ROBO2: variants seen among roughly 807,000 people sequenced by gnomAD.
ROBO2 encodes roundabout guidance receptor 2.
ROBO2 carries 53 observed loss-of-function variants against 160.8 expected under a neutral mutation model. The ratio of observed to expected loss-of-function variants is 0.33; its 90% CI spans 0.26 to 0.41. The LOEUF is 0.41. Among genes scored for constraint, ROBO2 ranks in the 10% least tolerant of loss-of-function variants. The probability of loss-of-function intolerance (pLI) is 1.00; values close to 1 mark genes in which losing one functional copy is unlikely to be tolerated. For missense variants in ROBO2, 1,577 were observed against 1,722.4 expected, an observed-to-expected ratio of 0.92 and a Z score of 1.49; for synonymous variants, 664 against 611.7, an observed-to-expected ratio of 1.09 and a Z score of -1.26.
chr3:77,429,838 C>G (rs2078595782), intron 2 of ROBO2, among the ~76,000 whole-genome samples: 2 of 151,966 alleles, frequency 1.3e-5, no homozygotes, highest in African/African-American at 2.4e-5. Context: ...TGAAATGGCC[C>G]CACACAAATC....
chr3:77,617,748 C>A (rs1223757453), exon 22 of ROBO2: 1 of 1,613,632 alleles, frequency 6.2e-7, no homozygotes, highest in East Asian at 2.2e-5. Flanking sequence ...AAGAGCCTAT[C>A]AGTTTGATAT....
rs60481031 is a variant in ROBO2, at chr3:75,928,980, CGTGT to C, written c.-13-8483_-13-8480del. Reference sequence around the variant, plus strand: ...GAGATGTGCAGCTGGATAAGACGTACGTGTGTGTGTGTGTGTGTGTGATAGCTCA... The same window carrying C: ...GAGATGTGCAGCTGGATAAGACGTACGTGTGTGTGTGTGTGTGATAGCTCA... On this transcript the variant is annotated intron_variant, in intron 1 of 26. Transcript: ENST00000487694. Among the ~76,000 whole-genome samples the C allele has an allele frequency of 2.5e-3, 233 of 94,110 alleles. 6 individuals are homozygous for C. The highest frequency in any genetic ancestry group is 6.8e-3 in the Middle Eastern group (1 of 146). 61.7% of individuals were successfully genotyped at this position (94,110 alleles called of 152,430 possible).
At chr3:77,619,703 G>A (rs542162713) in intron 22 of ROBO2, among the ~76,000 whole-genome samples, 41 of 152,090 alleles carry the variant, frequency 2.7e-4, no homozygotes, top group African/African-American at 8.4e-4. Flanking sequence ...GCAACTCCAA[G>A]CCCCCCCATA....
Position 76,472,991 on chromosome 3 carries a change from G to A in ROBO2, c.109+535389G>A, listed in dbSNP as rs151026292. 6.6e-5 allele frequency among the ~76,000 whole-genome samples: 10 copies of A among 151,832 alleles called. No individual in the cohort carries two copies. The South Asian group carries it at 1.0e-3, about 16-fold the overall frequency. ...CGAGAAGACTATCAGTGGTGTTTACGCATCCAAAAATGCAATTTTTTTATG... is the reference window on the plus strand; with the variant it reads ...CGAGAAGACTATCAGTGGTGTTTACACATCCAAAAATGCAATTTTTTTATG... On this transcript the variant is annotated intron_variant, in intron 2 of 26. Transcript: ENST00000487694.
intron 21 of ROBO2, among the ~76,000 whole-genome samples, chr3:77,611,067 G>A (rs917470850): frequency 3.9e-5 from 6 of 152,016 alleles, no homozygotes; most frequent in Admixed American, 1.3e-4. Flanking sequence ...GGGAGGCCAA[G>A]GTGGGCGGAT....
At chr3:77,198,883 A>C (rs987071287) in intron 2 of ROBO2, among the ~76,000 whole-genome samples, 1 of 152,088 alleles carries the variant, frequency 6.6e-6, no homozygotes, top group Non-Finnish European at 1.5e-5. Flanking sequence ...AGCCTGGGCA[A>C]CAGGGCGAGA....
intron 2 of ROBO2, among the ~76,000 whole-genome samples, chr3:77,300,847 T>C (rs1382627507): frequency 3.5e-5 from 1 of 28,536 alleles, no homozygotes; most frequent in Non-Finnish European, 8.5e-5. Context: ...AATAATAGAC[T>C]ATTTATTTAT....
intron 1 of ROBO2, among the ~76,000 whole-genome samples, chr3:77,087,874 A>G (rs978443659): frequency 4.6e-5 from 7 of 152,028 alleles, no homozygotes; most frequent in Non-Finnish European, 1.0e-4. Context: ...AAAGACACAC[A>G]CACATACATA....
rs977166352 is a variant in ROBO2 at position 76,434,170 on chromosome 3, A to G, written c.109+496568A>G. The G allele has an allele frequency of 7.0e-5, 81 of 1,156,108 alleles. No individual in the cohort carries two copies. In the African/African-American group the frequency reaches 1.2e-3, roughly 17 times the overall value. The allele number at this position is 1,156,108 out of a possible 1,614,324, so 71.6% of individuals were successfully genotyped here. On this transcript the variant is annotated intron_variant, in intron 2 of 26. Transcript: ENST00000487694. ...CTGCTTGCTGGTCCTGTGGCAGAGT[A>G]TTTGAAGATCAGTAAAGAGACTGGG...
chr3:76,258,787 A>G (rs902910184), intron 2 of ROBO2, among the ~76,000 whole-genome samples: 1 of 152,068 alleles, frequency 6.6e-6, no homozygotes, highest in African/African-American at 2.4e-5. Context: ...ATTTTTCTAA[A>G]CAGCTCTACC....
intron 2 of ROBO2, among the ~76,000 whole-genome samples, chr3:76,043,620 CAAAAAAAA>C (rs56988287): frequency 2.9e-4 from 11 of 38,436 alleles, no homozygotes; most frequent in African/African-American, 1.0e-3. Context: ...CTTCATCGTC[CAAAAAAAA>C]AAAAAAAAAA....
chr3:75,922,098 C>T (rs548097765), intron 1 of ROBO2, among the ~76,000 whole-genome samples: 89 of 152,170 alleles, frequency 5.8e-4, no homozygotes, highest in African/African-American at 2.0e-3. Context: ...GTTACATAAT[C>T]TCAATAAACC....
intron 2 of ROBO2, among the ~76,000 whole-genome samples, chr3:76,736,492 A>G (rs1324623280): frequency 2.0e-5 from 3 of 152,202 alleles, no homozygotes; most frequent in African/African-American, 7.2e-5. Context: ...AAATTCACAC[A>G]CAAAAAACTG....
At chr3:76,847,070 G>A (rs536513103) in intron 2 of ROBO2, among the ~76,000 whole-genome samples, 1 of 152,176 alleles carries the variant, frequency 6.6e-6, no homozygotes, top group East Asian at 1.9e-4. Context: ...AACACCCAGT[G>A]CCTACGTGGT....
chr3:77,310,445 A>C (rs781676441), intron 2 of ROBO2, among the ~76,000 whole-genome samples: 1 of 152,174 alleles, frequency 6.6e-6, no homozygotes, highest in Non-Finnish European at 1.5e-5. Context: ...AAAGCAAGGC[A>C]ATGGATCTAA....
intron 2 of ROBO2, among the ~76,000 whole-genome samples, chr3:76,053,057 T>C (rs565649161): frequency 5.5e-4 from 83 of 152,162 alleles, no homozygotes; most frequent in African/African-American, 2.0e-3. Context: ...AATACAGAGA[T>C]ATTTTATTGC....
At chr3:77,337,139 C>T (rs1192851015) in intron 2 of ROBO2, among the ~76,000 whole-genome samples, 3 of 152,156 alleles carry the variant, frequency 2.0e-5, no homozygotes, top group African/African-American at 4.8e-5. Context: ...GAATGAACAT[C>T]GGCAATTTCT....
intron 2 of ROBO2, among the ~76,000 whole-genome samples, chr3:76,534,636 T>C (rs558692632): frequency 6.6e-6 from 1 of 152,128 alleles, no homozygotes; most frequent in East Asian, 1.9e-4. Flanking sequence ...GAATGCATTA[T>C]GTTGTGCTGG....
chr3:77,286,012 C>G (rs771591511), intron 2 of ROBO2, among the ~76,000 whole-genome samples: 9 of 152,076 alleles, frequency 5.9e-5, no homozygotes, highest in Non-Finnish European at 1.3e-4. Flanking sequence ...TTAGGAAACC[C>G]ATTCCCTTCT....
Sources: gnomAD v4.1 joint callset for allele counts (sites outside exome capture counted in the v4.1 genomes callset) on GRCh38, gnomAD v4.1.1 for gene constraint, MANE v1.5 for transcripts, NCBI Gene and HGNC (gene_info 2026-07-23, HGNC 2026-07-21) for gene names.